The following TMEM181 variants were observed in gnomAD, a reference collection of about 807,000 sequenced individuals.
TMEM181 encodes the protein G protein-coupled receptor 178.
Under a neutral mutation model 71.9 loss-of-function variants are expected in TMEM181, and 39 were observed. The ratio of observed to expected loss-of-function variants is 0.54; its 90% confidence interval spans 0.42 to 0.71. TMEM181 has a LOEUF of 0.71. Among genes scored for constraint, TMEM181 ranks in the 30% least tolerant of loss-of-function variants. The pLI is 0.00. For synonymous variants in TMEM181, 245 were observed against 228.8 expected (o/e 1.07, Z -0.64); for missense variants, 595 against 583.0 (o/e 1.02, Z -0.21).
At chr6:158,613,758 A>G (rs1464418312) in intron 10 of TMEM181, among the ~76,000 whole-genome samples, 1 of 152,234 alleles carries the variant, frequency 6.6e-6, no homozygotes, top group African/African-American at 2.4e-5. Context: ...GATGCACACA[A>G]CTATATTGTT....
At chr6:158,613,203 C>A (rs1042256820) in intron 10 of TMEM181, among the ~76,000 whole-genome samples, 2 of 152,126 alleles carry the variant, frequency 1.3e-5, no homozygotes, top group Admixed American at 1.3e-4. Context: ...AATTGAAAAA[C>A]ATCAGTCAAG....
intron 5 of TMEM181, among the ~76,000 whole-genome samples, chr6:158,586,975 C>T (rs766055595): frequency 1.4e-4 from 22 of 152,148 alleles, no homozygotes; most frequent in Non-Finnish European, 1.8e-4. Flanking sequence ...GAGTGTCAGA[C>T]AGGACCATGG....
At chr6:158,627,358 G>C (rs908115390) in intron 13 of TMEM181, among the ~76,000 whole-genome samples, 11 of 152,220 alleles carry the variant, frequency 7.2e-5, no homozygotes, top group African/African-American at 2.7e-4. Flanking sequence ...CTGAGTGCCT[G>C]TCCTGGCAGA....
intron 3 of TMEM181, among the ~76,000 whole-genome samples, chr6:158,582,651 G>A (rs528652320): frequency 2.6e-5 from 4 of 151,866 alleles, no homozygotes; most frequent in Non-Finnish European, 5.9e-5. Flanking sequence ...GGGTGACAGA[G>A]CACGACCCTG....
chr6:158,594,534 G>T lies in TMEM181; in HGVS notation c.492+4752G>T, dbSNP rs1784290967. On this transcript the variant is annotated intron_variant, in intron 6 of 16. Coordinates refer to ENST00000684151, the MANE Select transcript of TMEM181 (RefSeq NM_001376852.1). ...TGATTGCTCATTTCTTTTTATCATG[G>T]AATAATATTTCATTGTCTGGATGTA... Among the ~76,000 whole-genome samples, 3 of 152,072 alleles carry T rather than the reference G, an allele frequency of 2.0e-5. No individual in the cohort carries two copies. In the South Asian group the frequency reaches 6.2e-4, roughly 32 times the overall value.
In TMEM181 at chr6:158,625,181, C is replaced by T. The variant is rs561753277; in HGVS notation, c.1032C>T (p.Ser344=). The T allele has an allele frequency of 1.0e-4, 161 of 1,614,128 alleles. 1 individual carries two copies. In the South Asian group the frequency reaches 1.5e-3, roughly 15 times the overall value. The change falls in exon 12 of 17, where the codon TCC becomes TCT. Residue 344 remains serine (S), a synonymous_variant. Transcript: ENST00000684151. Reference sequence around the variant, plus strand: ...TGTTCTTGATAGTGCGGGCGTGTTCCGAGCTACGTCACATGCCTTATGTGG... The same window carrying T: ...TGTTCTTGATAGTGCGGGCGTGTTCTGAGCTACGTCACATGCCTTATGTGG... ...YLLFLIVRAC[S]ELRHMPYVDL... is the part of the protein sequence containing the mutation.
chr6:158,583,352 G>GT lies in TMEM181; in HGVS notation c.169-595dup, dbSNP rs1246088707. ...CTCATTTTATTCTTTTTCCAAGATG[G>GT]TTTTTTTCTTGATATTTAAGTAAGT... On this transcript the variant is annotated intron_variant, in intron 3 of 16. Coordinates refer to ENST00000684151, the MANE Select transcript of TMEM181 (RefSeq NM_001376852.1). Among the ~76,000 whole-genome samples, 3 of 152,174 alleles carry GT rather than the reference G, an allele frequency of 2.0e-5. No homozygotes were observed. The East Asian group carries it at 5.8e-4, about 29-fold the overall frequency.
upstream of TMEM181, among the ~76,000 whole-genome samples, chr6:158,557,021 T>C (rs1475285107): frequency 1.3e-5 from 2 of 152,206 alleles, no homozygotes; most frequent in Non-Finnish European, 2.9e-5. Context: ...ATTATAGGCA[T>C]GAGCCACTGC....
At chr6:158,630,830 A>G (rs1786619137) in intron 15 of TMEM181, among the ~76,000 whole-genome samples, 1 of 147,648 alleles carries the variant, frequency 6.8e-6, no homozygotes, top group East Asian at 2.1e-4. Context: ...AGCCCCCCGC[A>G]CCCCCCGACA....
intron 6 of TMEM181, among the ~76,000 whole-genome samples, chr6:158,591,169 C>T (rs1204861441): frequency 6.6e-6 from 1 of 152,110 alleles, no homozygotes; most frequent in Non-Finnish European, 1.5e-5. Flanking sequence ...GAGTTTTTTT[C>T]TCTGTCTACC....
chr6:158,615,330 GGATT>G (rs990733039), intron 10 of TMEM181, among the ~76,000 whole-genome samples: 8 of 152,190 alleles, frequency 5.3e-5, no homozygotes, highest in Admixed American at 3.9e-4. Flanking sequence ...CTTTTTGATG[GGATT>G]GTTTGATGCT....
At position 158,560,142 on chromosome 6, in the gene TMEM181, G is replaced by C. The variant is rs1782071134; in HGVS notation, c.-83G>C. On this transcript the variant is annotated 5_prime_UTR_variant, in exon 1 of 17. Transcript: ENST00000684151. ...AGCCGCTGTCGCTCCGGCTCCGGCT[G>C]CGGCTGCCGCTGCCGAGGCTGCTGC... 4.1e-6 allele frequency: 4 copies of C among 984,790 alleles called. No homozygotes were observed. The highest frequency in any genetic ancestry group is 1.7e-5 in the African/African-American group (1 of 57,296). 61.0% of individuals were successfully genotyped at this position (984,790 alleles called of 1,614,324 possible).
intron 3 of TMEM181, among the ~76,000 whole-genome samples, chr6:158,581,814 T>G (rs184441296): frequency 4.2e-4 from 63 of 150,202 alleles, no homozygotes; most frequent in African/African-American, 1.4e-3. Context: ...AAACAGAGCT[T>G]CTTTCAATTG....
At chr6:158,580,536 G>C (rs771129444) in intron 2 of TMEM181, among the ~76,000 whole-genome samples, 5 of 152,200 alleles carry the variant, frequency 3.3e-5, no homozygotes, top group Admixed American at 6.5e-5. Flanking sequence ...GGGATTAATT[G>C]GATGAGCAGA....
intron 10 of TMEM181, chr6:158,609,677 G>T (rs770327808): frequency 4.3e-6 from 1 of 232,028 alleles, no homozygotes; most frequent in Non-Finnish European, 9.3e-6. Context: ...CCTTTTCTGG[G>T]AGACTCCCAA....
chr6:158,621,963 C>G (rs368646310), intron 10 of TMEM181, among the ~76,000 whole-genome samples: 1 of 152,194 alleles, frequency 6.6e-6, no homozygotes, highest in African/African-American at 2.4e-5. Context: ...GCCCACCTGC[C>G]CTGGGCTGGA....
In TMEM181 at chr6:158,620,788, G is replaced by A. The variant is rs1160821255; in HGVS notation, c.897-2762G>A. Among the ~76,000 whole-genome samples, 1 of 152,196 alleles carries A rather than the reference G, an allele frequency of 6.6e-6. No individual in the cohort carries two copies. The highest frequency in any genetic ancestry group is 1.9e-4 in the East Asian group (1 of 5,190). ...GCCCACTGCTTCCTGGGTTGCAAGA[G>A]AGCCTCTGTCCCCAACATCTGTCCC... On this transcript the variant is annotated intron_variant, in intron 10 of 16. Transcript: ENST00000684151. This position sits in a 1 kb window ranked among gnomAD's most constrained non-coding sequence, Gnocchi z 4.5.
At chr6:158,618,034 G>T (rs1239574288) in intron 10 of TMEM181, among the ~76,000 whole-genome samples, 1 of 152,202 alleles carries the variant, frequency 6.6e-6, no homozygotes, top group Non-Finnish European at 1.5e-5. Context: ...GGATATCCTT[G>T]TTAGCTTTCT....
intron 10 of TMEM181, among the ~76,000 whole-genome samples, chr6:158,617,030 A>G (rs1036062649): frequency 1.4e-4 from 21 of 152,066 alleles, no homozygotes; most frequent in African/African-American, 4.8e-4. Context: ...TTCTTTTTCT[A>G]TTGATTGGAA....
Sources: gnomAD v4.1 joint callset for allele counts (sites outside exome capture counted in the v4.1 genomes callset) on GRCh38, gnomAD v4.1.1 for gene constraint, Gnocchi (gnomAD v3.1) non-coding constraint, MANE v1.5 for transcripts, NCBI Gene and HGNC (gene_info 2026-07-23, HGNC 2026-07-21) for gene names.